SGCZ: variants seen among roughly 807,000 people sequenced by gnomAD.
SGCZ encodes the protein zeta-sarcoglycan.
A neutral mutation model predicts 41.3 loss-of-function variants in SGCZ; 40 were observed. The observed-to-expected ratio is 0.97, with a 90% CI of 0.75 to 1.26. SGCZ has a LOEUF of 1.26. Ranked by LOEUF, SGCZ falls within the 50% of genes most tolerant of loss-of-function variation. The pLI is 0.00. For missense variants in SGCZ, 552 were observed against 369.8 expected, an observed-to-expected ratio of 1.49 and a Z score of -4.04; for synonymous variants, 206 against 137.5, an observed-to-expected ratio of 1.50 and a Z score of -3.49.
intron 1 of SGCZ, among the ~76,000 whole-genome samples, chr8:14,560,552 A>G (rs1452334906): frequency 6.6e-6 from 1 of 152,070 alleles, no homozygotes; most frequent in African/African-American, 2.4e-5. Flanking sequence ...GAAAATTCCA[A>G]GTTAAGTGCT....
intron 1 of SGCZ, among the ~76,000 whole-genome samples, chr8:14,826,631 T>G (rs1470864349): frequency 6.6e-6 from 1 of 152,164 alleles, no homozygotes; most frequent in Non-Finnish European, 1.5e-5. Flanking sequence ...CCATTCTAAC[T>G]AGTGTGAGAT....
intron 1 of SGCZ, among the ~76,000 whole-genome samples, chr8:15,187,259 T>G (rs1241311448): frequency 1.3e-5 from 2 of 152,264 alleles, no homozygotes; most frequent in East Asian, 1.9e-4. Context: ...TATTTATATT[T>G]AAGGCAATGC....
chr8:14,992,205 C>T (rs912070726), intron 1 of SGCZ, among the ~76,000 whole-genome samples: 4 of 152,000 alleles, frequency 2.6e-5, no homozygotes, highest in Non-Finnish European at 4.4e-5. Context: ...TTGATATTTA[C>T]CTCTCATCCA....
intron 4 of SGCZ, among the ~76,000 whole-genome samples, chr8:14,189,947 G>A (rs1172933294): frequency 1.3e-5 from 2 of 151,152 alleles, no homozygotes; most frequent in African/African-American, 4.9e-5. Context: ...CTTCCATTTA[G>A]CATAATGTCC....
chr8:14,657,214 T>A (rs1313549721), intron 1 of SGCZ, among the ~76,000 whole-genome samples: 4 of 152,032 alleles, frequency 2.6e-5, no homozygotes. Context: ...ACGTATGGAT[T>A]TTTCCCTGTA....
intron 4 of SGCZ, among the ~76,000 whole-genome samples, chr8:14,203,033 C>G (rs1824739): frequency 6.6e-6 from 1 of 151,918 alleles, no homozygotes; most frequent in Non-Finnish European, 1.5e-5. Flanking sequence ...TGTACAAGCT[C>G]TCTTTGGCTG....
chr8:15,066,147 A>C (rs1029315786), intron 1 of SGCZ, among the ~76,000 whole-genome samples: 15 of 151,748 alleles, frequency 9.9e-5, no homozygotes, highest in Non-Finnish European at 1.9e-4. Flanking sequence ...TCTCTACCAA[A>C]AATACAAAAA....
chr8:14,276,056 T>C (rs1483106681), intron 3 of SGCZ, among the ~76,000 whole-genome samples: 1 of 152,220 alleles, frequency 6.6e-6, no homozygotes, highest in Non-Finnish European at 1.5e-5. Context: ...CCGCCTGTGC[T>C]AGAGGTGGAC....
At chr8:14,363,751 C>A (rs1803607507) in intron 2 of SGCZ, among the ~76,000 whole-genome samples, 1 of 152,136 alleles carries the variant, frequency 6.6e-6, no homozygotes, top group Non-Finnish European at 1.5e-5. Context: ...TTACAAATGG[C>A]AGACTGCTTC....
chr8:15,206,347 C>T (rs951355194), intron 1 of SGCZ, among the ~76,000 whole-genome samples: 3 of 151,958 alleles, frequency 2.0e-5, no homozygotes, highest in Admixed American at 6.6e-5. Context: ...TCAAGAACTT[C>T]AGCATTTCTT....
intron 1 of SGCZ, among the ~76,000 whole-genome samples, chr8:14,690,879 A>G (rs937411364): frequency 6.6e-6 from 1 of 152,202 alleles, no homozygotes; most frequent in African/African-American, 2.4e-5. Context: ...GATAGAGTAC[A>G]TATGTGTTAG....
At chr8:14,271,031 A>T (rs541206022) in intron 3 of SGCZ, among the ~76,000 whole-genome samples, 126 of 152,168 alleles carry the variant, frequency 8.3e-4, no homozygotes, top group African/African-American at 2.9e-3. Flanking sequence ...GGAACATCAC[A>T]CCCTGGGGCC....
chr8:14,829,850 C>T (rs544253939), intron 1 of SGCZ, among the ~76,000 whole-genome samples: 2 of 152,086 alleles, frequency 1.3e-5, no homozygotes, highest in Non-Finnish European at 2.9e-5. Context: ...CTCGCTCTGT[C>T]GCCCAGGCTG....
intron 1 of SGCZ, among the ~76,000 whole-genome samples, chr8:14,971,537 T>C (rs562943145): frequency 6.6e-6 from 1 of 152,260 alleles, no homozygotes; most frequent in East Asian, 1.9e-4. Flanking sequence ...ATTTATTCTT[T>C]ATTTTGTTAA....
intron 2 of SGCZ, among the ~76,000 whole-genome samples, chr8:14,489,571 A>C (rs1186304501): frequency 6.6e-6 from 1 of 152,126 alleles, no homozygotes; most frequent in African/African-American, 2.4e-5. Context: ...TTTTTAACCC[A>C]CTTTTTAAAC....
At chr8:14,343,722 A>G (rs1032900254) in intron 2 of SGCZ, among the ~76,000 whole-genome samples, 5 of 152,188 alleles carry the variant, frequency 3.3e-5, no homozygotes, top group African/African-American at 1.2e-4. Context: ...CAATATCTGA[A>G]TCACAGTGTC....
chr8:15,076,794 C>T (rs1280480957), intron 1 of SGCZ, among the ~76,000 whole-genome samples: 5 of 150,166 alleles, frequency 3.3e-5, no homozygotes, highest in Middle Eastern at 3.2e-3. Context: ...CTCTGCACAC[C>T]GCCTCCCTCC....
At chr8:14,267,593 T>C (rs1323683915) in intron 3 of SGCZ, among the ~76,000 whole-genome samples, 2 of 152,062 alleles carry the variant, frequency 1.3e-5, no homozygotes, top group African/African-American at 4.8e-5. Flanking sequence ...TTCCTCAACA[T>C]TCACTGCTAC....
chr8:14,279,632 C>T (rs978079141), intron 3 of SGCZ, among the ~76,000 whole-genome samples: 1 of 151,898 alleles, frequency 6.6e-6, no homozygotes, highest in African/African-American at 2.4e-5. Context: ...GTTAACATAC[C>T]ACAGTGATGG....
Sources: gnomAD v4.1 joint callset for allele counts (sites outside exome capture counted in the v4.1 genomes callset) on GRCh38, gnomAD v4.1.1 for gene constraint, MANE v1.5 for transcripts, NCBI Gene and HGNC (gene_info 2026-07-23, HGNC 2026-07-21) for gene names.